Variants in EIF3H observed in about 807,000 individuals in gnomAD.
EIF3H encodes eIF-3-gamma.
A neutral mutation model predicts 44.2 loss-of-function variants in EIF3H; 26 were observed. That is an observed-to-expected ratio of 0.59 (90% CI 0.43 to 0.82). The LOEUF (loss-of-function observed/expected upper bound fraction) is 0.82. Ranked by LOEUF, EIF3H falls within the 40% of genes least tolerant of loss-of-function variation. EIF3H has a pLI of 0.00. For synonymous variants in EIF3H, 166 were observed against 151.9 expected (o/e 1.09, Z -0.68); for missense variants, 359 against 432.8 (o/e 0.83, Z 1.51).
chr8:116,653,617 T>C (rs1030548791), intron 5 of EIF3H, among the ~76,000 whole-genome samples: 2 of 152,164 alleles, frequency 1.3e-5, no homozygotes, highest in African/African-American at 2.4e-5. Context: ...CTGGCTACAG[T>C]ATCAATTTAT....
intron 2 of EIF3H, among the ~76,000 whole-genome samples, chr8:116,714,704 T>A (rs58140301): frequency 0.028 from 4,308 of 151,998 alleles, 198 homozygotes; most frequent in African/African-American, 0.099. Context: ...ATATCATTTT[T>A]AAAAATGCAA....
intron 4 of EIF3H, among the ~76,000 whole-genome samples, chr8:116,656,598 G>A (rs71530833): frequency 3.9e-3 from 593 of 152,204 alleles, no homozygotes; most frequent in Middle Eastern, 6.8e-3. Context: ...AACTAGAGAA[G>A]AACCGTCCTA....
In EIF3H at chr8:116,646,529, C is replaced by T. The variant is rs1237928708; in HGVS notation, c.903G>A (p.Leu301=). ...RGEPPLPEED[L]SKLFKPPQPP... ...GCTGTGGTGGTTTGAAGAGTTTGGA[C>T]AGGTCCTCCTCAGGGAGCGGGGGTT... The change falls in exon 7 of 8, where the codon CTG becomes CTA. Residue 301 remains leucine (L), a synonymous_variant. Coordinates refer to ENST00000521861, the MANE Select transcript of EIF3H (RefSeq NM_003756.3). 6.2e-7 allele frequency: 1 copy of T among 1,614,070 alleles called. No individual in the cohort carries two copies. Among genetic ancestry groups the T allele is most frequent in the African/African-American group, 1.3e-5 (1 of 74,912 alleles).
At chr8:116,735,013 C>T (rs905323701) in intron 1 of EIF3H, among the ~76,000 whole-genome samples, 4 of 152,142 alleles carry the variant, frequency 2.6e-5, no homozygotes, top group African/African-American at 7.2e-5. Flanking sequence ...ATTCCTAATG[C>T]CAGGGTCAGG....
Position 116,678,172 on chromosome 8 carries a change from T to C in EIF3H, c.290-19192A>G, listed in dbSNP as rs544012039. 9.5e-3 allele frequency among the ~76,000 whole-genome samples: 1,447 copies of C among 151,726 alleles called. 10 individuals are homozygous for C. Among genetic ancestry groups the C allele is most frequent in the Non-Finnish European group, 0.015 (1,039 of 67,864 alleles). Reference sequence around the variant, plus strand: ...GCCTGACTGGTTTTCGTTTTTTTTTTTTGGTGGAGACGGGGTTTTGCTGTG... The same window carrying C: ...GCCTGACTGGTTTTCGTTTTTTTTTCTTGGTGGAGACGGGGTTTTGCTGTG... On this transcript the variant is annotated intron_variant, in intron 2 of 7. Coordinates refer to ENST00000521861, the MANE Select transcript of EIF3H (RefSeq NM_003756.3).
chr8:116,661,428 T>C (rs1033805172), intron 2 of EIF3H, among the ~76,000 whole-genome samples: 9 of 152,232 alleles, frequency 5.9e-5, no homozygotes, highest in Admixed American at 5.2e-4. Context: ...ACTTGGAATC[T>C]AGAGGTCGAG....
chr8:116,686,507 T>C (rs138196001), intron 2 of EIF3H, among the ~76,000 whole-genome samples: 2 of 152,246 alleles, frequency 1.3e-5, no homozygotes, highest in East Asian at 3.9e-4. Context: ...CTCCAGTTCT[T>C]GATTTCTGCC....
intron 2 of EIF3H, among the ~76,000 whole-genome samples, chr8:116,695,730 G>A (rs1312372212): frequency 2.6e-5 from 4 of 152,174 alleles, no homozygotes; most frequent in Non-Finnish European, 5.9e-5. Flanking sequence ...AAGTGGGATG[G>A]TATGTGGAGT....
Position 116,642,319 on chromosome 8 carries a change from A to T in EIF3H, c.*2687T>A, listed in dbSNP as rs955099760. On this transcript the variant is annotated 3_prime_UTR_variant, in exon 8 of 8. Coordinates refer to ENST00000521861, the MANE Select transcript of EIF3H (RefSeq NM_003756.3). ...TGTAATAATATTTTAGAAGACATTA[A>T]AACTTAAATATTTAGATGCTGTATA... 1 of 152,194 alleles carries T rather than the reference A, an allele frequency of 6.6e-6. No individual in the cohort carries two copies. The highest frequency in any genetic ancestry group is 2.4e-5 in the African/African-American group (1 of 41,470). The allele number at this position is 152,194 out of a possible 1,614,324, so 9.4% of individuals were successfully genotyped here. A position where few individuals can be genotyped will look rare whatever the true frequency, so the allele number is the denominator to read the frequency against.
At chr8:116,666,404 C>A (rs2130807712) in intron 2 of EIF3H, among the ~76,000 whole-genome samples, 1 of 152,190 alleles carries the variant, frequency 6.6e-6, no homozygotes, top group African/African-American at 2.4e-5. Context: ...TTGGATTCTT[C>A]ACACAAAATA....
At chr8:116,676,537 C>T (rs1339504887) in intron 2 of EIF3H, among the ~76,000 whole-genome samples, 1 of 152,122 alleles carries the variant, frequency 6.6e-6, no homozygotes, top group Non-Finnish European at 1.5e-5. Context: ...AAACCGCCCC[C>T]CATGATTCAA....
chr8:116,659,042 A>T, intron 2 of EIF3H, 62 bp from the exon 3 acceptor site: 3 of 1,419,300 alleles, frequency 2.1e-6, no homozygotes, highest in Non-Finnish European at 2.8e-6. Context: ...CCAACATCAA[A>T]AACAAGCCGT....
upstream of EIF3H, among the ~76,000 whole-genome samples, chr8:116,757,790 T>C (rs1274206693): frequency 6.6e-6 from 1 of 151,894 alleles, no homozygotes; most frequent in Non-Finnish European, 1.5e-5. Context: ...GGTGTGATCT[T>C]GGCTCACTGC....
chr8:116,748,717 A>T (rs1277144439), intron 1 of EIF3H, among the ~76,000 whole-genome samples: 1 of 152,204 alleles, frequency 6.6e-6, no homozygotes, highest in Non-Finnish European at 1.5e-5. Flanking sequence ...AAGTAAAAAG[A>T]GTTTCAGACA....
chr8:116,743,518 C>T (rs911672063), intron 1 of EIF3H, among the ~76,000 whole-genome samples: 4 of 151,076 alleles, frequency 2.6e-5, no homozygotes, highest in South Asian at 4.2e-4. Flanking sequence ...CTGAGGCAGG[C>T]GGATCACTTG....
In EIF3H at chr8:116,752,783, G is replaced by GGAAGGAA. The variant is rs1563663221; in HGVS notation, c.132+2882_132+2883insTTCCTTC. On this transcript the variant is annotated intron_variant, in intron 1 of 7. Transcript: ENST00000521861. ...AGGGAGGGAGGGAGGGAGGGAGGGA[G>GGAAGGAA]GGAGGGAGGGAGGGAAGGAAGGAAG... is the stretch of plus-strand genomic sequence containing the variant. 2.5e-3 allele frequency among the ~76,000 whole-genome samples: 91 copies of GGAAGGAA among 35,982 alleles called. 5 individuals are homozygous for GGAAGGAA. The highest frequency in any genetic ancestry group is 5.6e-3 in the African/African-American group (79 of 14,176). 23.6% of individuals were successfully genotyped at this position (35,982 alleles called of 152,430 possible). A position where few individuals can be genotyped will look rare whatever the true frequency, so the allele number is the denominator to read the frequency against.
intron 1 of EIF3H, among the ~76,000 whole-genome samples, chr8:116,739,491 A>T (rs537091458): frequency 6.6e-6 from 1 of 152,176 alleles, no homozygotes. Flanking sequence ...TCTACTAAAC[A>T]TACAAAAAAT....
chr8:116,708,000 A>G (rs958209373), intron 2 of EIF3H, among the ~76,000 whole-genome samples: 4 of 152,142 alleles, frequency 2.6e-5, no homozygotes, highest in African/African-American at 9.7e-5. Context: ...CTTTAAGTAC[A>G]GTCCTACTCT....
intron 6 of EIF3H, among the ~76,000 whole-genome samples, chr8:116,647,409 T>A (rs1813322755): frequency 6.6e-6 from 1 of 152,250 alleles, no homozygotes; most frequent in South Asian, 2.1e-4. Flanking sequence ...CTATTGTTAC[T>A]ATTCTTAACA....
Sources: gnomAD v4.1 joint callset for allele counts (sites outside exome capture counted in the v4.1 genomes callset) on GRCh38, gnomAD v4.1.1 for gene constraint, MANE v1.5 for transcripts, NCBI Gene and HGNC (gene_info 2026-07-23, HGNC 2026-07-21) for gene names.